Variants in TNRC6C observed in about 807,000 individuals in gnomAD.
TNRC6C encodes trinucleotide repeat-containing gene 6C protein.
Under a neutral mutation model 153.7 loss-of-function variants are expected in TNRC6C, and 20 were observed. The ratio of observed to expected loss-of-function variants is 0.13; its 90% confidence interval spans 0.09 to 0.19. TNRC6C has a LOEUF of 0.19. TNRC6C is among the 10% of genes least tolerant of loss of function. TNRC6C has a pLI of 1.00. For missense variants in TNRC6C, 1,987 were observed against 2,172.0 expected (o/e 0.91, Z 1.69); for synonymous variants, 811 against 841.4 (o/e 0.96, Z 0.63).
intron 1 of TNRC6C, among the ~76,000 whole-genome samples, chr17:77,982,857 T>C (rs1188049886): frequency 1.3e-5 from 2 of 151,860 alleles, no homozygotes; most frequent in African/African-American, 2.4e-5. Flanking sequence ...TCAAAACAAG[T>C]AGTAAGATGG....
At chr17:78,060,202 A>G (rs1486404310) in intron 3 of TNRC6C, among the ~76,000 whole-genome samples, 1 of 151,996 alleles carries the variant, frequency 6.6e-6, no homozygotes, top group Non-Finnish European at 1.5e-5. Context: ...TAATGAGCAA[A>G]CTCTTCTATA....
At chr17:78,099,194 A>T (rs1045869860) in intron 17 of TNRC6C, among the ~76,000 whole-genome samples, 1 of 152,212 alleles carries the variant, frequency 6.6e-6, no homozygotes, top group African/African-American at 2.4e-5. Flanking sequence ...TGTGATCCCA[A>T]CTGCTGGGGA....
intron 1 of TNRC6C, among the ~76,000 whole-genome samples, chr17:77,995,510 C>G (rs913834244): frequency 6.6e-6 from 1 of 152,234 alleles, no homozygotes; most frequent in Non-Finnish European, 1.5e-5. Context: ...AATAAATCCC[C>G]ACCTCCAAAC....
exon 9 of TNRC6C, chr17:78,077,235 A>G (rs1200264059): frequency 6.2e-7 from 1 of 1,602,610 alleles, no homozygotes; most frequent in South Asian, 1.1e-5. Context: ...TGCCTTCCCC[A>G]AGCCTGAAGC....
At position 78,091,434 on chromosome 17, in the gene TNRC6C, C is replaced by G. The variant is rs115245526; in HGVS notation, c.3803-6C>G. On this transcript the variant is annotated splice_region_variant and splice_polypyrimidine_tract_variant and intron_variant, in intron 13 of 19. Coordinates refer to ENST00000301624, the Ensembl canonical transcript of TNRC6C. ...AGGCGAATCCTAACCGCATCTCTCT[C>G]TTTAGCTGGACTGAACCCAAACATG... 10 of 1,582,594 alleles carry G rather than the reference C, an allele frequency of 6.3e-6. No homozygotes were observed. Among genetic ancestry groups the G allele is most frequent in the Non-Finnish European group, 8.6e-6 (10 of 1,164,824 alleles).
chr17:78,046,926 A>G (rs2072423250), intron 2 of TNRC6C, among the ~76,000 whole-genome samples: 1 of 152,196 alleles, frequency 6.6e-6, no homozygotes, highest in African/African-American at 2.4e-5. Flanking sequence ...ACCATTAACA[A>G]AGGGCAGATC....
At chr17:78,055,316 C>T (rs2072632267) in intron 3 of TNRC6C, among the ~76,000 whole-genome samples, 2 of 152,150 alleles carry the variant, frequency 1.3e-5, no homozygotes, top group Admixed American at 6.5e-5. Context: ...CTGTTGTCCA[C>T]CTCCACACGT....
At chr17:78,031,749 G>A (rs1402949414) in exon 2 of TNRC6C, 1 of 1,232,300 alleles carries the variant, frequency 8.1e-7, no homozygotes, top group Non-Finnish European at 1.0e-6. Flanking sequence ...TCTAACCAGT[G>A]TGAGCCCAAC....
intron 1 of TNRC6C, among the ~76,000 whole-genome samples, chr17:78,014,732 A>G (rs143262310): frequency 6.6e-6 from 1 of 151,672 alleles, no homozygotes; most frequent in East Asian, 1.9e-4. Flanking sequence ...TTAGCAACAG[A>G]CACTAAGTTA....
At chr17:78,053,451 G>A (rs2072579379) in intron 3 of TNRC6C, among the ~76,000 whole-genome samples, 1 of 151,998 alleles carries the variant, frequency 6.6e-6, no homozygotes, top group Non-Finnish European at 1.5e-5. Flanking sequence ...CCAACAAGGT[G>A]AAACCCCATC....
intron 1 of TNRC6C, chr17:78,011,894 C>G (rs1393307611): frequency 6.6e-6 from 1 of 152,174 alleles, no homozygotes; most frequent in Non-Finnish European, 1.5e-5. Flanking sequence ...TGGCATTAAC[C>G]TAATGACTAA....
intron 1 of TNRC6C, among the ~76,000 whole-genome samples, chr17:77,982,311 C>T (rs1406597629): frequency 2.0e-5 from 3 of 151,888 alleles, no homozygotes; most frequent in Admixed American, 2.0e-4. Flanking sequence ...AACTTCTTTA[C>T]ATTTAGAATG....
intron 1 of TNRC6C, among the ~76,000 whole-genome samples, chr17:78,012,404 C>T (rs75986775): frequency 0.023 from 3,441 of 152,104 alleles, 183 homozygotes; most frequent in East Asian, 0.18. Context: ...GGGTTTCATA[C>T]CTGGGTGATG....
intron 10 of TNRC6C, among the ~76,000 whole-genome samples, chr17:78,081,975 C>T (rs1009285049): frequency 1.3e-5 from 2 of 151,836 alleles, no homozygotes; most frequent in African/African-American, 2.4e-5. Flanking sequence ...CTTTCTTTTT[C>T]CTTTCTTTCT....
intron 1 of TNRC6C, among the ~76,000 whole-genome samples, chr17:78,031,124 AAG>A (rs1391858935): frequency 1.3e-4 from 20 of 152,102 alleles, no homozygotes; most frequent in African/African-American, 4.6e-4. Context: ...AAAAGAAAGA[AAG>A]AAATGCATAT....
chr17:77,976,647 G>A (rs1186732250), intron 1 of TNRC6C, among the ~76,000 whole-genome samples: 4 of 152,100 alleles, frequency 2.6e-5, no homozygotes, highest in Non-Finnish European at 5.9e-5. Flanking sequence ...TAAAACTTGG[G>A]GCCGGATACG....
chr17:77,980,168 T>C (rs535060919), intron 1 of TNRC6C, among the ~76,000 whole-genome samples: 1 of 152,292 alleles, frequency 6.6e-6, no homozygotes, highest in Admixed American at 6.5e-5. Context: ...ACATCTAAAA[T>C]AATGTGAACT....
At chr17:78,070,170 T>C (rs920212597) in intron 5 of TNRC6C, among the ~76,000 whole-genome samples, 1 of 152,122 alleles carries the variant, frequency 6.6e-6, no homozygotes, top group South Asian at 2.1e-4. Context: ...CTTTTTACAG[T>C]TGGGCTGGCA....
chr17:78,050,337 G>T (rs777905479), exon 3 of TNRC6C: 5 of 1,606,468 alleles, frequency 3.1e-6, no homozygotes, highest in African/African-American at 1.3e-5. Context: ...GAGATAAAGG[G>T]ATTATAGACC....
Sources: gnomAD v4.1 joint callset for allele counts (sites outside exome capture counted in the v4.1 genomes callset) on GRCh38, gnomAD v4.1.1 for gene constraint, MANE v1.5 for transcripts, NCBI Gene and HGNC (gene_info 2026-07-23, HGNC 2026-07-21) for gene names.